The following GAS2L3 variants were observed in gnomAD, a reference collection of about 807,000 sequenced individuals.
GAS2L3 encodes the protein GAS2-like protein 3.
Under a neutral mutation model 37.0 loss-of-function variants are expected in GAS2L3, and 28 were observed. The ratio of observed to expected loss-of-function variants is 0.76; its 90% confidence interval spans 0.56 to 1.04. The LOEUF (loss-of-function observed/expected upper bound fraction) is 1.04, where lower values mean the gene tolerates loss of function less well. Among genes scored for constraint, GAS2L3 ranks in the 50% least tolerant of loss-of-function variants. GAS2L3 has a pLI of 0.00. For synonymous variants in GAS2L3, 290 were observed against 296.6 expected, an observed-to-expected ratio of 0.98 and a Z score of 0.23; for missense variants, 793 against 817.6, an observed-to-expected ratio of 0.97 and a Z score of 0.37.
At chr12:100,603,117 T>C (rs569296822) in intron 5 of GAS2L3, among the ~76,000 whole-genome samples, 16 of 152,326 alleles carry the variant, frequency 1.1e-4, no homozygotes, top group African/African-American at 3.8e-4. Context: ...GGAGTGCAGA[T>C]AGTCTCTTTA....
chr12:100,596,392 T>C (rs781567437), intron 3 of GAS2L3, among the ~76,000 whole-genome samples: 1 of 152,112 alleles, frequency 6.6e-6, no homozygotes, highest in African/African-American at 2.4e-5. Context: ...ATTTATATTT[T>C]CTTAACATGG....
At chr12:100,620,486 A>T (rs1430134869) in intron 8 of GAS2L3, among the ~76,000 whole-genome samples, 1 of 151,832 alleles carries the variant, frequency 6.6e-6, no homozygotes, top group Non-Finnish European at 1.5e-5. Flanking sequence ...CCTTGTTCTG[A>T]TTGTGGGTTA....
intron 1 of GAS2L3, among the ~76,000 whole-genome samples, chr12:100,576,832 T>C (rs1289462106): frequency 6.6e-6 from 1 of 152,234 alleles, no homozygotes; most frequent in East Asian, 1.9e-4. Context: ...TGTAATAAAA[T>C]GTAGCAGCCT....
At chr12:100,574,702 C>A (rs1227867533) in intron 1 of GAS2L3, among the ~76,000 whole-genome samples, 2 of 152,134 alleles carry the variant, frequency 1.3e-5, no homozygotes, top group Non-Finnish European at 2.9e-5. Context: ...GAGCAAAAAA[C>A]AAACAAACAA....
intron 5 of GAS2L3, chr12:100,611,283 T>A (rs1956124220): frequency 6.6e-6 from 1 of 152,230 alleles, no homozygotes. Context: ...CATACTCATC[T>A]CTTAACTTTT....
In GAS2L3 at chr12:100,624,538, C is replaced by A. The variant is rs774875807; in HGVS notation, c.1733C>A (p.Ser578Ter). 1 of 1,613,998 alleles carries A rather than the reference C, an allele frequency of 6.2e-7. No homozygotes were observed. Residue 578 changes from serine (S) to a stop codon, truncating the protein, a stop_gained, in exon 10 of 10, where the codon TCA (serine) becomes TAA (stop). Coordinates refer to ENST00000547754, the MANE Select transcript of GAS2L3 (RefSeq NM_174942.3). LOFTEE classifies it low-confidence loss of function (END_TRUNC). ...TCTCCTGTAAAAGCCACACAGAAAT[C>A]AAAAGATAAGAATATAGTTTCAGCT... is the stretch of plus-strand genomic sequence containing the variant. ...SVSPVKATQK[S>*]KDKNIVSATK...
rs184433602 is a variant in GAS2L3 at position 100,588,954 on chromosome 12, A to G, written c.-151-2782A>G. Among the ~76,000 whole-genome samples, 239 of 152,242 alleles carry G rather than the reference A, an allele frequency of 1.6e-3. 2 individuals carry two copies. The East Asian group carries it at 0.024, about 15-fold the overall frequency. ...ATCGCTGTTATTCTGTTCTTTTTCA[A>G]GGTGCACTGATTTCATATTGTTAAA... On this transcript the variant is annotated intron_variant, in intron 1 of 9. Coordinates refer to ENST00000547754, the MANE Select transcript of GAS2L3 (RefSeq NM_174942.3).
chr12:100,614,992 G>A (rs1431441164), intron 6 of GAS2L3, among the ~76,000 whole-genome samples: 1 of 152,076 alleles, frequency 6.6e-6, no homozygotes, highest in Non-Finnish European at 1.5e-5. Flanking sequence ...TACAAATTTT[G>A]AAGTAAACAT....
At chr12:100,595,801 A>G (rs1013604969) in intron 3 of GAS2L3, among the ~76,000 whole-genome samples, 1 of 152,022 alleles carries the variant, frequency 6.6e-6, no homozygotes, top group African/African-American at 2.4e-5. Context: ...CAATGAGATA[A>G]CATGTGCAAA....
rs116683753 is a variant in GAS2L3 at position 100,600,774 on chromosome 12, G to C, written c.187+224G>C. Among the ~76,000 whole-genome samples, 488 of 152,204 alleles carry C rather than the reference G, an allele frequency of 3.2e-3. 3 individuals carry two copies. The highest frequency in any genetic ancestry group is 0.012 in the African/African-American group (479 of 41,526). ...ATAGTAGGAAATTTGCGATTTAACCGAAGAGGTCAGTAAGCTTTGAATAAT... is the reference window on the plus strand; with the variant it reads ...ATAGTAGGAAATTTGCGATTTAACCCAAGAGGTCAGTAAGCTTTGAATAAT... On this transcript the variant is annotated intron_variant, in intron 4 of 9. Coordinates refer to ENST00000547754, the MANE Select transcript of GAS2L3 (RefSeq NM_174942.3).
chr12:100,580,900 C>T (rs1421617834), intron 1 of GAS2L3, among the ~76,000 whole-genome samples: 1 of 152,168 alleles, frequency 6.6e-6, no homozygotes, highest in African/African-American at 2.4e-5. Context: ...ATATAGCCTA[C>T]ATGCCAAAAA....
chr12:100,600,534 G>T lies in GAS2L3; in HGVS notation c.171G>T (p.Trp57Cys). 6.2e-7 allele frequency: 1 copy of T among 1,613,352 alleles called. No individual in the cohort carries two copies. The highest frequency in any genetic ancestry group is 8.5e-7 in the Non-Finnish European group (1 of 1,179,648). ...CCATGCAAGAAGATCTGTCAATCTG[G>T]TTATCTGGTTTATTAGGTGAGGCTT... ...LLPMQEDLSI[W>C]LSGLLGIKVK... Residue 57 changes from tryptophan to cysteine, a missense_variant, in exon 4 of 10, where the codon TGG becomes TGT. Trp to Cys is a radical substitution (Grantham distance 215). Coordinates refer to ENST00000547754, the MANE Select transcript of GAS2L3 (RefSeq NM_174942.3).
At chr12:100,605,797 T>C (rs1956048759) in intron 5 of GAS2L3, among the ~76,000 whole-genome samples, 1 of 152,070 alleles carries the variant, frequency 6.6e-6, no homozygotes, top group East Asian at 1.9e-4. Context: ...GTGTTTATAT[T>C]GTTTCTGAAA....
intron 1 of GAS2L3, chr12:100,579,008 G>T: frequency 1.2e-6 from 1 of 839,344 alleles, no homozygotes. Flanking sequence ...TGACCTCAAA[G>T]TCTATTACTT....
chr12:100,606,633 T>A (rs1285523213), intron 5 of GAS2L3, among the ~76,000 whole-genome samples: 2 of 152,106 alleles, frequency 1.3e-5, no homozygotes, highest in Non-Finnish European at 2.9e-5. Flanking sequence ...AATTTCTTAC[T>A]TTTTATTTTT....
chr12:100,591,449 G>T (rs958283041), intron 1 of GAS2L3, among the ~76,000 whole-genome samples: 2 of 152,126 alleles, frequency 1.3e-5, no homozygotes, highest in Non-Finnish European at 2.9e-5. Context: ...TGCCAATTAT[G>T]ATGTGGGTAT....
In GAS2L3 at chr12:100,624,898, C is replaced by G; in HGVS notation, c.*8C>G. The G allele has an allele frequency of 1.3e-6, 2 of 1,524,476 alleles. No homozygotes were observed. The highest frequency in any genetic ancestry group is 8.9e-7 in the Non-Finnish European group (1 of 1,121,734). 94.4% of individuals were successfully genotyped at this position (1,524,476 alleles called of 1,614,324 possible). A position where few individuals can be genotyped will look rare whatever the true frequency, so the allele number is the denominator to read the frequency against. The stretch of plus-strand genomic sequence containing the variant: ...AAGAAACCTAGAAAATAAATACATA[C>G]TCATTATAAAAAAAGAGAAAAGGAA... On this transcript the variant is annotated 3_prime_UTR_variant, in exon 10 of 10. Transcript: ENST00000547754.
intron 1 of GAS2L3, among the ~76,000 whole-genome samples, chr12:100,577,616 T>G (rs1418722383): frequency 2.0e-5 from 3 of 152,218 alleles, no homozygotes. Context: ...CATTTAGGAG[T>G]AATTCTAGTA....
intron 1 of GAS2L3, among the ~76,000 whole-genome samples, chr12:100,576,573 T>C (rs1955639803): frequency 6.6e-6 from 1 of 152,184 alleles, no homozygotes; most frequent in Non-Finnish European, 1.5e-5. Flanking sequence ...CTTGAGTCTG[T>C]TGGCCAATTT....
Sources: allele counts gnomAD v4.1 joint callset (sites outside exome capture counted in the v4.1 genomes callset), GRCh38; gene constraint gnomAD v4.1.1; transcripts MANE v1.5; gene names NCBI Gene and HGNC (gene_info 2026-07-23, HGNC 2026-07-21).